SPAG16: variants seen among roughly 807,000 people sequenced by gnomAD.
SPAG16 encodes the protein sperm-associated antigen 16 protein.
SPAG16 carries 86 observed loss-of-function variants against 80.4 expected under a neutral mutation model. The ratio of observed to expected loss-of-function variants is 1.07; its 90% CI spans 0.90 to 1.28. The LOEUF is 1.28. SPAG16 is among the 50% of genes most tolerant of loss of function. SPAG16 has a pLI of 0.00. For missense variants in SPAG16, 870 were observed against 765.3 expected (o/e 1.14, Z -1.61); for synonymous variants, 294 against 265.9 (o/e 1.11, Z -1.03).
intron 15 of SPAG16, among the ~76,000 whole-genome samples, chr2:214,202,272 TG>T (rs2058029891): frequency 6.6e-6 from 1 of 152,164 alleles, no homozygotes; most frequent in Admixed American, 6.5e-5. Flanking sequence ...TACATTAAAT[TG>T]ATGGCTGCCT....
intron 10 of SPAG16, among the ~76,000 whole-genome samples, chr2:213,681,495 A>G (rs1235411297): frequency 6.6e-6 from 1 of 152,134 alleles, no homozygotes; most frequent in Non-Finnish European, 1.5e-5. Flanking sequence ...TCCAGTTCCA[A>G]TTCCAAAGAG....
At chr2:214,363,304 C>T (rs879805470) in intron 15 of SPAG16, among the ~76,000 whole-genome samples, 6 of 151,932 alleles carry the variant, frequency 3.9e-5, no homozygotes, top group Admixed American at 6.6e-5. Context: ...AAGGGCTTCT[C>T]GATGGCTAAA....
chr2:213,784,697 C>G (rs944574299), intron 10 of SPAG16, among the ~76,000 whole-genome samples: 1 of 143,584 alleles, frequency 7.0e-6, no homozygotes, highest in Non-Finnish European at 1.5e-5. Context: ...TGTTTGCTCT[C>G]TAAGAGATTC....
At chr2:214,341,387 C>A (rs886214889) in intron 15 of SPAG16, among the ~76,000 whole-genome samples, 4 of 152,182 alleles carry the variant, frequency 2.6e-5, no homozygotes, top group Admixed American at 6.5e-5. Flanking sequence ...AATACCCAAG[C>A]CTTTAGATTC....
intron 15 of SPAG16, among the ~76,000 whole-genome samples, chr2:214,337,722 G>A (rs1285171143): frequency 6.6e-6 from 1 of 152,096 alleles, no homozygotes; most frequent in African/African-American, 2.4e-5. Flanking sequence ...CTGCATTAAG[G>A]GATATTACGT....
intron 10 of SPAG16, among the ~76,000 whole-genome samples, chr2:213,615,893 G>T (rs1026217996): frequency 6.6e-6 from 1 of 152,022 alleles, no homozygotes; most frequent in African/African-American, 2.4e-5. Context: ...AGTCCATTTT[G>T]GGGGTGGGGG....
chr2:213,649,212 AC>A (rs1463519214), intron 10 of SPAG16, among the ~76,000 whole-genome samples: 2 of 152,212 alleles, frequency 1.3e-5, no homozygotes, highest in Non-Finnish European at 2.9e-5. Context: ...ATTTTGTGAC[AC>A]CTGACCTACT....
intron 10 of SPAG16, among the ~76,000 whole-genome samples, chr2:213,792,585 T>TC (rs1202013097): frequency 6.9e-6 from 1 of 144,162 alleles, no homozygotes; most frequent in East Asian, 2.0e-4. Context: ...TCTTTTTTTT[T>TC]TTTTTTTTTT....
intron 15 of SPAG16, among the ~76,000 whole-genome samples, chr2:214,219,549 A>C (rs905308788): frequency 6.6e-6 from 1 of 152,172 alleles, no homozygotes; most frequent in Non-Finnish European, 1.5e-5. Context: ...TTTCTTACAA[A>C]TACCAATTTT....
At chr2:213,724,785 AAAAAAAAAAAAAAAAAG>A (rs1419420089) in intron 10 of SPAG16, among the ~76,000 whole-genome samples, 5 of 132,842 alleles carry the variant, frequency 3.8e-5, no homozygotes, top group African/African-American at 6.2e-5. Context: ...TCAAAAAAAA[AAAAAAAAAAAAAAAAAG>A]AAAAAAGGAT....
intron 14 of SPAG16, among the ~76,000 whole-genome samples, chr2:214,114,221 G>A (rs1429760480): frequency 6.6e-6 from 1 of 152,074 alleles, no homozygotes; most frequent in Non-Finnish European, 1.5e-5. Flanking sequence ...AGGGGCACCC[G>A]CCTGTATGAG....
intron 10 of SPAG16, among the ~76,000 whole-genome samples, chr2:213,780,455 C>G (rs370532552): frequency 6.1e-4 from 93 of 152,074 alleles, no homozygotes; most frequent in African/African-American, 2.2e-3. Context: ...TCTTATTATT[C>G]CTATTTTCTG....
intron 15 of SPAG16, among the ~76,000 whole-genome samples, chr2:214,177,916 C>CATATATATATATATATATATATATATAT (rs10622953): frequency 1.1e-5 from 1 of 92,204 alleles, no homozygotes; most frequent in Non-Finnish European, 2.1e-5. Context: ...TATATATATA[C>CATATATATATATATATATATATATATAT]ATATATATAT....
chr2:214,043,360 T>C (rs1306567636), intron 13 of SPAG16, among the ~76,000 whole-genome samples: 1 of 152,184 alleles, frequency 6.6e-6, no homozygotes, highest in Non-Finnish European at 1.5e-5. Flanking sequence ...AGCAAATATC[T>C]ATAGTCCATT....
At chr2:213,999,587 G>A (rs1280508631) in intron 12 of SPAG16, among the ~76,000 whole-genome samples, 2 of 152,226 alleles carry the variant, frequency 1.3e-5, no homozygotes, top group Non-Finnish European at 2.9e-5. Flanking sequence ...TAGTGGGGCT[G>A]TGAGAAGAGG....
At chr2:214,394,715 T>C (rs1701267231) in intron 15 of SPAG16, among the ~76,000 whole-genome samples, 1 of 152,186 alleles carries the variant, frequency 6.6e-6, no homozygotes, top group Non-Finnish European at 1.5e-5. Flanking sequence ...GTGTTACACC[T>C]GATGAACCTA....
At chr2:214,128,460 C>A (rs2054602055) in intron 14 of SPAG16, among the ~76,000 whole-genome samples, 1 of 151,836 alleles carries the variant, frequency 6.6e-6, no homozygotes, top group African/African-American at 2.4e-5. Context: ...GAGCCACAAC[C>A]TTCTCCACTG....
intron 14 of SPAG16, among the ~76,000 whole-genome samples, chr2:214,124,949 T>C (rs2054402424): frequency 6.6e-6 from 1 of 151,866 alleles, no homozygotes; most frequent in East Asian, 1.9e-4. Context: ...AACAGTTTTC[T>C]AACTAAAGGA....
At chr2:213,740,787 C>T (rs1451761604) in intron 10 of SPAG16, among the ~76,000 whole-genome samples, 1 of 152,048 alleles carries the variant, frequency 6.6e-6, no homozygotes, top group African/African-American at 2.4e-5. Flanking sequence ...AAAGATGGGG[C>T]GTGAAGGTGA....
Sources: allele counts gnomAD v4.1 joint callset (sites outside exome capture counted in the v4.1 genomes callset), GRCh38; gene constraint gnomAD v4.1.1; transcripts MANE v1.5; gene names NCBI Gene and HGNC (gene_info 2026-07-23, HGNC 2026-07-21).